The following GRID2 variants were observed in gnomAD, a reference collection of about 807,000 sequenced individuals.
The protein encoded by GRID2 is glutamate ionotropic receptor delta type subunit 2.
In GRID2, 33 loss-of-function variants were observed where a neutral mutation model predicts 114.8. That is an observed-to-expected ratio of 0.29 (90% CI 0.22 to 0.38). The LOEUF is 0.38. Ranked by LOEUF, GRID2 falls within the 10% of genes least tolerant of loss-of-function variation. The probability of loss-of-function intolerance (pLI) is 1.00; values close to 1 mark genes in which losing one functional copy is unlikely to be tolerated. For synonymous variants in GRID2, 505 were observed against 449.9 expected (o/e 1.12, Z -1.55); for missense variants, 1,184 against 1,257.7 (o/e 0.94, Z 0.89).
intron 12 of GRID2, among the ~76,000 whole-genome samples, chr4:93,498,044 G>C (rs1727716243): frequency 6.6e-6 from 1 of 151,762 alleles, no homozygotes; most frequent in African/African-American, 2.4e-5. Context: ...TGTTTTGTTA[G>C]ATTTGTGCCT....
At chr4:92,636,291 A>G (rs915647692) in intron 2 of GRID2, among the ~76,000 whole-genome samples, 1 of 151,148 alleles carries the variant, frequency 6.6e-6, no homozygotes, top group African/African-American at 2.4e-5. Flanking sequence ...GTGACATAGT[A>G]TAGAAGCCTT....
intron 1 of GRID2, among the ~76,000 whole-genome samples, chr4:92,446,383 A>G (rs1733472068): frequency 6.6e-6 from 1 of 152,238 alleles, no homozygotes; most frequent in Non-Finnish European, 1.5e-5. Context: ...TCTTTGATAT[A>G]TAGTTGCTCC....
chr4:92,778,987 T>A (rs1465846259), intron 2 of GRID2, among the ~76,000 whole-genome samples: 1 of 152,062 alleles, frequency 6.6e-6, no homozygotes, highest in Non-Finnish European at 1.5e-5. Context: ...TGGCTCCTAT[T>A]TATTCCTAAA....
At chr4:92,404,635 C>G (rs1730941086) in intron 1 of GRID2, among the ~76,000 whole-genome samples, 1 of 152,084 alleles carries the variant, frequency 6.6e-6, no homozygotes, top group Admixed American at 6.6e-5. Context: ...AACCCAAATG[C>G]CCATCAATGA....
chr4:93,775,679 T>C (rs1007929563), downstream of GRID2, among the ~76,000 whole-genome samples: 3 of 152,212 alleles, frequency 2.0e-5, no homozygotes, highest in Admixed American at 6.5e-5. Context: ...TTTTATTCTA[T>C]TCAAATGTCC....
chr4:93,675,465 A>G (rs1051086151), intron 14 of GRID2, among the ~76,000 whole-genome samples: 1 of 152,216 alleles, frequency 6.6e-6, no homozygotes, highest in East Asian at 1.9e-4. Flanking sequence ...GCTAAGATTT[A>G]TTAAACACCT....
In GRID2 at chr4:93,128,320, A is replaced by G. The variant is rs995804477; in HGVS notation, c.735+17367A>G. On this transcript the variant is annotated intron_variant, in intron 4 of 15. Transcript: ENST00000282020. ...AGAACAGAACTTTTGGATTAAATGG[A>G]TTAATTTTAGTGTATGTGCTTATAC... 2.6e-5 allele frequency among the ~76,000 whole-genome samples: 4 copies of G among 152,234 alleles called. No homozygotes were observed. The East Asian group carries it at 7.7e-4, about 29-fold the overall frequency.
chr4:93,179,047 CAG>C (rs1038153758), intron 4 of GRID2, among the ~76,000 whole-genome samples: 1 of 152,072 alleles, frequency 6.6e-6, no homozygotes, highest in African/African-American at 2.4e-5. Context: ...CTCTGTAAAA[CAG>C]AGCAGGGAGA....
rs971299622 is a variant in GRID2 at position 93,744,818 on chromosome 4, ACAGCAACC to A, written c.2361-24390_2361-24383del. On this transcript the variant is annotated intron_variant, in intron 14 of 15. Coordinates refer to ENST00000282020, the MANE Select transcript of GRID2 (RefSeq NM_001510.4). The stretch of plus-strand genomic sequence containing the variant: ...TTTTGTGAAAGGAATAAGAATTGAT[ACAGCAACC>A]CTCATTGTTATCTTACTTCAAGAAT... 1.3e-3 allele frequency among the ~76,000 whole-genome samples: 200 copies of A among 152,248 alleles called. 1 individual carries two copies. The highest frequency in any genetic ancestry group is 4.0e-3 in the African/African-American group (168 of 41,552).
chr4:92,614,673 A>G (rs1320242658), intron 2 of GRID2, among the ~76,000 whole-genome samples: 1 of 151,580 alleles, frequency 6.6e-6, no homozygotes, highest in Non-Finnish European at 1.5e-5. Flanking sequence ...TAGAATGTGT[A>G]TTTGCTATTA....
chr4:93,246,405 G>A (rs1340667928), intron 8 of GRID2, among the ~76,000 whole-genome samples: 1 of 151,984 alleles, frequency 6.6e-6, no homozygotes, highest in African/African-American at 2.4e-5. Context: ...GGCTAACACA[G>A]TGAAACCTCG....
At chr4:93,291,572 A>G (rs1335725803) in intron 8 of GRID2, among the ~76,000 whole-genome samples, 1 of 152,208 alleles carries the variant, frequency 6.6e-6, no homozygotes, top group African/African-American at 2.4e-5. Context: ...AAGATAAACT[A>G]CTAGTGGGCT....
intron 2 of GRID2, among the ~76,000 whole-genome samples, chr4:92,864,023 C>A (rs1744702515): frequency 6.6e-6 from 1 of 152,122 alleles, no homozygotes; most frequent in African/African-American, 2.4e-5. Flanking sequence ...ATAGACACGC[C>A]TCAAGGTGCT....
intron 14 of GRID2, among the ~76,000 whole-genome samples, chr4:93,667,670 C>T (rs1005264802): frequency 1.3e-5 from 2 of 151,948 alleles, no homozygotes; most frequent in Non-Finnish European, 2.9e-5. Flanking sequence ...AAGTAGCACT[C>T]TTTACCAAAG....
intron 4 of GRID2, among the ~76,000 whole-genome samples, chr4:93,179,602 A>G (rs1320216681): frequency 2.0e-5 from 3 of 152,210 alleles, no homozygotes; most frequent in African/African-American, 4.8e-5. Context: ...AGTGTTTACA[A>G]TGAGCCAGGC....
chr4:93,579,012 A>G (rs759239381), intron 13 of GRID2, among the ~76,000 whole-genome samples: 15 of 152,210 alleles, frequency 9.9e-5, no homozygotes, highest in Non-Finnish European at 1.5e-5. Context: ...CTGGAGAGCA[A>G]TTAGAAAATG....
intron 1 of GRID2, among the ~76,000 whole-genome samples, chr4:92,373,587 T>A (rs1371329292): frequency 6.6e-6 from 1 of 152,182 alleles, no homozygotes; most frequent in Non-Finnish European, 1.5e-5. Flanking sequence ...ATTTTCTAGC[T>A]CAACATCTTG....
chr4:92,863,825 G>A (rs1403440936), intron 2 of GRID2, among the ~76,000 whole-genome samples: 1 of 152,062 alleles, frequency 6.6e-6, no homozygotes, highest in Non-Finnish European at 1.5e-5. Flanking sequence ...ATGGTGCCCT[G>A]AGATCATCGC....
chr4:92,970,128 G>A (rs957638801), intron 2 of GRID2, among the ~76,000 whole-genome samples: 3 of 151,858 alleles, frequency 2.0e-5, no homozygotes, highest in African/African-American at 7.2e-5. Context: ...TGGAATCTAG[G>A]TTAGACTAAC....
Sources: allele counts gnomAD v4.1 joint callset (sites outside exome capture counted in the v4.1 genomes callset), GRCh38; gene constraint gnomAD v4.1.1; transcripts MANE v1.5; gene names NCBI Gene and HGNC (gene_info 2026-07-23, HGNC 2026-07-21).